Variants in RARB observed in about 807,000 individuals in gnomAD.
The protein encoded by RARB is retinoic acid receptor beta.
In RARB, 17 loss-of-function variants were observed where a neutral mutation model predicts 51.9. That is an observed-to-expected ratio of 0.33 (90% confidence interval 0.22 to 0.49). The LOEUF is 0.49. RARB is among the 20% of genes least tolerant of loss of function. The probability of loss-of-function intolerance (pLI) is 0.99; values close to 1 mark genes in which losing one functional copy is unlikely to be tolerated. For synonymous variants in RARB, 215 were observed against 195.4 expected (o/e 1.10, Z -0.84); for missense variants, 369 against 550.8 (o/e 0.67, Z 3.30).
At chr3:24,900,844 A>G (rs755445136) in intron 2 of RARB, among the ~76,000 whole-genome samples, 2 of 152,234 alleles carry the variant, frequency 1.3e-5, no homozygotes, top group African/African-American at 2.4e-5. Flanking sequence ...AAGTTGGGTG[A>G]TTATAATAGG....
intron 5 of RARB, among the ~76,000 whole-genome samples, chr3:25,241,563 G>C (rs1274951989): frequency 6.6e-6 from 1 of 152,168 alleles, no homozygotes; most frequent in Non-Finnish European, 1.5e-5. Context: ...AGAACATGCA[G>C]TGTTTGGTTT....
intron 4 of RARB, among the ~76,000 whole-genome samples, chr3:25,143,038 C>T (rs1700134757): frequency 6.6e-6 from 1 of 152,096 alleles, no homozygotes; most frequent in Non-Finnish European, 1.5e-5. Context: ...AAAAGTTGAG[C>T]CTTTAGCTGA....
chr3:25,296,531 T>C (rs987992264), intron 5 of RARB, among the ~76,000 whole-genome samples: 1 of 152,192 alleles, frequency 6.6e-6, no homozygotes, highest in African/African-American at 2.4e-5. Flanking sequence ...TGAATATATT[T>C]AGCATGGTAG....
At chr3:25,249,245 G>A (rs1470417023) in intron 5 of RARB, among the ~76,000 whole-genome samples, 1 of 151,794 alleles carries the variant, frequency 6.6e-6, no homozygotes, top group African/African-American at 2.4e-5. Context: ...TATTTTGTAT[G>A]GCATTTGGTG....
chr3:24,908,674 T>G (rs1030135561), intron 2 of RARB, among the ~76,000 whole-genome samples: 8 of 146,522 alleles, frequency 5.5e-5, no homozygotes, highest in African/African-American at 1.8e-4. Context: ...TTTTTTTTTT[T>G]TTTTTTTTTT....
chr3:25,215,457 A>G (rs76163571), intron 5 of RARB, among the ~76,000 whole-genome samples: 7,415 of 152,218 alleles, frequency 0.049, 467 homozygotes, highest in African/African-American at 0.15. Flanking sequence ...AGTACTGACC[A>G]TTCACATAGT....
intron 5 of RARB, among the ~76,000 whole-genome samples, chr3:25,363,386 TC>T (rs1706013126): frequency 1.3e-5 from 2 of 152,100 alleles, no homozygotes; most frequent in Admixed American, 1.3e-4. Flanking sequence ...CACTTAGATA[TC>T]TAACGTAGCA....
chr3:25,564,835 C>A (rs1700424344), intron 3 of RARB, among the ~76,000 whole-genome samples: 1 of 152,178 alleles, frequency 6.6e-6, no homozygotes, highest in Non-Finnish European at 1.5e-5. Flanking sequence ...GCTTGTCAAA[C>A]TCCCAGGTCT....
intron 2 of RARB, among the ~76,000 whole-genome samples, chr3:24,981,750 C>T (rs539944745): frequency 4.6e-5 from 7 of 152,246 alleles, no homozygotes; most frequent in Admixed American, 2.0e-4. Flanking sequence ...CTGGGTAAGG[C>T]GATTCCCTGT....
chr3:24,907,942 C>G (rs1197963388), intron 2 of RARB, among the ~76,000 whole-genome samples: 2 of 151,898 alleles, frequency 1.3e-5, no homozygotes, highest in East Asian at 3.9e-4. Context: ...CAAGGAGCAT[C>G]CTTTGGAAAT....
At chr3:25,304,314 T>C (rs900309689) in intron 5 of RARB, among the ~76,000 whole-genome samples, 3 of 152,192 alleles carry the variant, frequency 2.0e-5, no homozygotes, top group Non-Finnish European at 4.4e-5. Flanking sequence ...CATTTCCACA[T>C]CTTTGCCCAA....
At chr3:25,411,815 G>C (rs1292922717) in intron 5 of RARB, among the ~76,000 whole-genome samples, 2 of 152,154 alleles carry the variant, frequency 1.3e-5, no homozygotes, top group Non-Finnish European at 2.9e-5. Context: ...CAGAGAGAAA[G>C]TCCCAGACTA....
chr3:24,975,569 C>G (rs1044328066), intron 2 of RARB, among the ~76,000 whole-genome samples: 5 of 152,138 alleles, frequency 3.3e-5, no homozygotes, highest in African/African-American at 1.2e-4. Context: ...TAACATCCCT[C>G]CCCTATTATA....
Position 25,070,105 on chromosome 3 carries a change from A to G in RARB, c.-328+9929A>G, listed in dbSNP as rs560561346. 3.9e-5 allele frequency among the ~76,000 whole-genome samples: 6 copies of G among 152,230 alleles called. No homozygotes were observed. The East Asian group carries it at 1.2e-3, about 29-fold the overall frequency. On this transcript the variant is annotated intron_variant, in intron 3 of 11. Transcript: ENST00000383772. ...GCTTCTGGTTTTTTGGCAGGAACCT[A>G]TTGGGTTCCTTGGCTTTGCAACTCT... is the stretch of plus-strand genomic sequence containing the variant.
intron 2 of RARB, among the ~76,000 whole-genome samples, chr3:24,894,327 C>G (rs1035943767): frequency 7.1e-6 from 1 of 140,570 alleles, no homozygotes; most frequent in Non-Finnish European, 1.5e-5. Context: ...TCTGTGTATT[C>G]ACTGTTTAGC....
intron 5 of RARB, among the ~76,000 whole-genome samples, chr3:25,206,137 A>T (rs778417503): frequency 2.6e-5 from 4 of 152,230 alleles, no homozygotes; most frequent in Admixed American, 2.0e-4. Context: ...ATCTGTATAG[A>T]TGATGATAAT....
chr3:25,237,062 G>A (rs375523820), intron 5 of RARB, among the ~76,000 whole-genome samples: 1 of 151,514 alleles, frequency 6.6e-6, no homozygotes, highest in South Asian at 2.1e-4. Flanking sequence ...AGTATCTTAC[G>A]CTATTATCAT....
At chr3:25,069,760 G>A (rs549641534) in intron 3 of RARB, among the ~76,000 whole-genome samples, 27 of 152,282 alleles carry the variant, frequency 1.8e-4, no homozygotes, top group African/African-American at 5.8e-4. Context: ...TGGGACAGTC[G>A]ACTCTGTCTT....
At chr3:25,121,749 T>G (rs1699785623) in intron 3 of RARB, among the ~76,000 whole-genome samples, 1 of 152,108 alleles carries the variant, frequency 6.6e-6, no homozygotes, top group Non-Finnish European at 1.5e-5. Context: ...TCAAAATAAT[T>G]TATGTTTTTT....
Sources: gnomAD v4.1 joint callset for allele counts (sites outside exome capture counted in the v4.1 genomes callset) on GRCh38, gnomAD v4.1.1 for gene constraint, MANE v1.5 for transcripts, NCBI Gene and HGNC (gene_info 2026-07-23, HGNC 2026-07-21) for gene names.